Variants in ZCWPW2 observed in about 807,000 individuals in gnomAD.
ZCWPW2 encodes the protein zinc finger CW-type PWWP domain protein 2.
A neutral mutation model predicts 46.6 loss-of-function variants in ZCWPW2; 45 were observed. The observed-to-expected ratio is 0.96, with a 90% CI of 0.76 to 1.24. ZCWPW2 has a LOEUF of 1.24. Ranked by LOEUF, ZCWPW2 falls within the 50% of genes most tolerant of loss-of-function variation. The pLI is 0.00. For missense variants in ZCWPW2, 429 were observed against 403.9 expected (o/e 1.06, Z -0.53); for synonymous variants, 152 against 137.1 (o/e 1.11, Z -0.76).
chr3:28,442,938 A>T (rs1275897576), intron 4 of ZCWPW2, among the ~76,000 whole-genome samples: 1 of 152,150 alleles, frequency 6.6e-6, no homozygotes, highest in Non-Finnish European at 1.5e-5. Flanking sequence ...GGCAGCTCTA[A>T]TGGCTTCTAT....
intron 1 of ZCWPW2, among the ~76,000 whole-genome samples, chr3:28,361,423 C>T (rs1162394090): frequency 6.6e-6 from 1 of 152,048 alleles, no homozygotes; most frequent in African/African-American, 2.4e-5. Flanking sequence ...AGGAATTAAA[C>T]TATAAAACTC....
intron 4 of ZCWPW2, among the ~76,000 whole-genome samples, chr3:28,460,800 C>T (rs1384356829): frequency 2.0e-5 from 3 of 152,136 alleles, no homozygotes; most frequent in Non-Finnish European, 2.9e-5. Context: ...TAGAATGATG[C>T]GTCAGTGCAA....
intron 3 of ZCWPW2, among the ~76,000 whole-genome samples, chr3:28,424,926 G>A (rs1327962462): frequency 6.6e-6 from 1 of 152,096 alleles, no homozygotes; most frequent in Non-Finnish European, 1.5e-5. Context: ...ACTTATGAAG[G>A]TATTTGTAGT....
At chr3:28,514,192 C>G in intron 7 of ZCWPW2, 70 bp downstream of exon 7, 1 of 1,092,322 alleles carries the variant, frequency 9.2e-7, no homozygotes, top group South Asian at 1.7e-5. Context: ...TTAGAAACAC[C>G]CCGGCTAATA....
chr3:28,448,503 G>A (rs529942388), intron 4 of ZCWPW2, among the ~76,000 whole-genome samples: 122 of 151,860 alleles, frequency 8.0e-4, no homozygotes, highest in Non-Finnish European at 7.4e-4. Flanking sequence ...TGTCAATACC[G>A]GCCAGATGTG....
At chr3:28,513,970 T>C in intron 6 of ZCWPW2, 94 bp from the exon 7 acceptor site, 1 of 998,804 alleles carries the variant, frequency 1.0e-6, no homozygotes, top group Non-Finnish European at 1.3e-6. Context: ...GTGTTTCTTC[T>C]GACCAAATTA....
At chr3:28,420,441 A>G (rs1045217943) in intron 3 of ZCWPW2, among the ~76,000 whole-genome samples, 1 of 151,124 alleles carries the variant, frequency 6.6e-6, no homozygotes, top group African/African-American at 2.4e-5. Context: ...ATTTTTCCTG[A>G]TCCTCTCCCT....
At chr3:28,473,107 G>A (rs1055313550) in intron 4 of ZCWPW2, among the ~76,000 whole-genome samples, 1 of 152,162 alleles carries the variant, frequency 6.6e-6, no homozygotes, top group Non-Finnish European at 1.5e-5. Context: ...GTAGAGAAAA[G>A]GGGATCCTTG....
intron 6 of ZCWPW2, among the ~76,000 whole-genome samples, chr3:28,502,061 C>T (rs191381947): frequency 6.6e-6 from 1 of 152,122 alleles, no homozygotes; most frequent in Admixed American, 6.6e-5. Context: ...TTGCCCTATG[C>T]TCAAAATCTG....
intron 5 of ZCWPW2, among the ~76,000 whole-genome samples, chr3:28,485,141 T>TC (rs1266964618): frequency 3.3e-5 from 5 of 152,116 alleles, no homozygotes; most frequent in Admixed American, 2.0e-4. Flanking sequence ...TTCTTGAGTT[T>TC]TTTTTTTTTC....
intron 9 of ZCWPW2, 89 bp downstream of exon 9, chr3:28,521,205 TA>T (rs1700715303): frequency 2.2e-6 from 3 of 1,387,762 alleles, no homozygotes; most frequent in Non-Finnish European, 2.9e-6. Flanking sequence ...TTTAAATATA[TA>T]AAAAACTCTT....
chr3:28,521,547 A>C (rs1304539625), intron 9 of ZCWPW2, among the ~76,000 whole-genome samples: 1 of 152,196 alleles, frequency 6.6e-6, no homozygotes, highest in African/African-American at 2.4e-5. Flanking sequence ...TATCATTAAC[A>C]TACGGGAAGT....
At chr3:28,493,095 C>CTTTTTTTTTTTTTTTTGGTTTTTT (rs11426111) in intron 6 of ZCWPW2, among the ~76,000 whole-genome samples, 1 of 77,064 alleles carries the variant, frequency 1.3e-5, no homozygotes, top group African/African-American at 5.0e-5. Context: ...CTTGGCTTTT[C>CTTTTTTTTTTTTTTTTGGTTTTTT]TTTTTTTTTT....
chr3:28,466,153 C>A (rs913923600), intron 4 of ZCWPW2, among the ~76,000 whole-genome samples: 1 of 152,054 alleles, frequency 6.6e-6, no homozygotes, highest in Non-Finnish European at 1.5e-5. Context: ...AAGATAGGAA[C>A]AGTAGACACC....
chr3:28,409,944 G>C (rs1397377252), intron 2 of ZCWPW2, among the ~76,000 whole-genome samples: 1 of 151,938 alleles, frequency 6.6e-6, no homozygotes, highest in Non-Finnish European at 1.5e-5. Flanking sequence ...TTGTTTACAG[G>C]AGGCAGAGAT....
intron 4 of ZCWPW2, among the ~76,000 whole-genome samples, chr3:28,441,290 GT>G (rs1241205217): frequency 4.6e-5 from 7 of 152,134 alleles, no homozygotes; most frequent in African/African-American, 1.4e-4. Context: ...AAATTTCTTT[GT>G]TACCAATTTT....
chr3:28,360,286 A>G (rs1473075249), intron 1 of ZCWPW2, among the ~76,000 whole-genome samples: 1 of 149,846 alleles, frequency 6.7e-6, no homozygotes, highest in Non-Finnish European at 1.5e-5. Flanking sequence ...CAGGTGGATC[A>G]CGAGATCAGA....
Position 28,515,740 on chromosome 3 carries a change from T to TAGTCCTTTGAA in ZCWPW2, c.784+119_784+120insAGTCCTTTGAA. On this transcript the variant is annotated intron_variant, in intron 8 of 9. Coordinates refer to ENST00000383768, the MANE Select transcript of ZCWPW2 (RefSeq NM_001040432.4). ...CTGTGTGTGTGTGTGTGTGTGTGTG[T>TAGTCCTTTGAA]GTGTGTATACACATATATACATGTG... 4 of 792,594 alleles carry TAGTCCTTTGAA rather than the reference T, an allele frequency of 5.0e-6. No individual in the cohort carries two copies. The African/African-American group carries it at 6.1e-5, about 12-fold the overall frequency. 49.1% of individuals were successfully genotyped at this position (792,594 alleles called of 1,614,324 possible). A position where few individuals can be genotyped will look rare whatever the true frequency, so the allele number is the denominator to read the frequency against.
chr3:28,472,047 CTG>C (rs1320885994), intron 4 of ZCWPW2, among the ~76,000 whole-genome samples: 2 of 152,004 alleles, frequency 1.3e-5, no homozygotes, highest in East Asian at 3.9e-4. Flanking sequence ...ACAATGAAAA[CTG>C]TAAAACATTG....
Sources: gnomAD v4.1 joint callset for allele counts (sites outside exome capture counted in the v4.1 genomes callset) on GRCh38, gnomAD v4.1.1 for gene constraint, MANE v1.5 for transcripts, NCBI Gene and HGNC (gene_info 2026-07-23, HGNC 2026-07-21) for gene names.